The following UBE2E2 variants were observed in gnomAD, a reference collection of about 807,000 sequenced individuals.
UBE2E2 encodes ubiquitin-conjugating enzyme E2 E2.
In UBE2E2, 6 loss-of-function variants were observed where a neutral mutation model predicts 24.7. That is an observed-to-expected ratio of 0.24 (90% CI 0.13 to 0.48). UBE2E2 has a LOEUF of 0.48. Ranked by LOEUF, UBE2E2 falls within the 20% of genes least tolerant of loss-of-function variation. The pLI is 0.99. For synonymous variants in UBE2E2, 104 were observed against 83.6 expected (o/e 1.24, Z -1.33); for missense variants, 169 against 245.0 (o/e 0.69, Z 2.07).
At chr3:23,251,719 TTTTC>T (rs1256235872) in intron 3 of UBE2E2, among the ~76,000 whole-genome samples, 1 of 152,214 alleles carries the variant, frequency 6.6e-6, no homozygotes, top group Non-Finnish European at 1.5e-5. Context: ...CCCATATCCT[TTTTC>T]TTTGTTTTTT....
At chr3:23,585,181 C>T (rs75850169) in intron 5 of UBE2E2, among the ~76,000 whole-genome samples, 2 of 151,794 alleles carry the variant, frequency 1.3e-5, no homozygotes, top group African/African-American at 4.8e-5. Context: ...TTAAGACCAG[C>T]CTGGGCAACA....
chr3:23,400,311 A>T (rs1397971170), intron 3 of UBE2E2, among the ~76,000 whole-genome samples: 1 of 152,184 alleles, frequency 6.6e-6, no homozygotes, highest in Non-Finnish European at 1.5e-5. Context: ...CGGAAAACGG[A>T]TAAAAAGGAA....
chr3:23,217,396 T>C, intron 3 of UBE2E2, 84 bp downstream of exon 3: 1 of 1,212,934 alleles, frequency 8.2e-7, no homozygotes, highest in Non-Finnish European at 1.2e-6. Context: ...GCTGTTGTTG[T>C]AGTCTGATTA....
At chr3:23,415,976 T>C (rs537342980) in intron 3 of UBE2E2, among the ~76,000 whole-genome samples, 10 of 152,200 alleles carry the variant, frequency 6.6e-5, no homozygotes, top group East Asian at 5.8e-4. Context: ...CTCCCACTTA[T>C]GAGTGACAAC....
intron 3 of UBE2E2, among the ~76,000 whole-genome samples, chr3:23,372,814 T>C (rs1297002715): frequency 6.6e-6 from 1 of 152,220 alleles, no homozygotes; most frequent in Non-Finnish European, 1.5e-5. Context: ...ATTATACATT[T>C]TATGTCCATT....
intron 3 of UBE2E2, among the ~76,000 whole-genome samples, chr3:23,358,220 G>T (rs1696017620): frequency 6.6e-6 from 1 of 152,174 alleles, no homozygotes; most frequent in Non-Finnish European, 1.5e-5. Context: ...TTGTTTTTCT[G>T]TCAGGGTTTT....
chr3:23,248,345 C>G (rs1697474328), intron 3 of UBE2E2, among the ~76,000 whole-genome samples: 1 of 152,208 alleles, frequency 6.6e-6, no homozygotes, highest in Non-Finnish European at 1.5e-5. Context: ...TCTGTCATTT[C>G]CCTGAGACTG....
intron 3 of UBE2E2, among the ~76,000 whole-genome samples, chr3:23,259,503 G>A (rs1697837414): frequency 6.6e-6 from 1 of 151,748 alleles, no homozygotes; most frequent in South Asian, 2.1e-4. Context: ...GATTGAGGCA[G>A]GAAGATCACT....
intron 3 of UBE2E2, among the ~76,000 whole-genome samples, chr3:23,319,972 T>C (rs17013003): frequency 0.029 from 4,380 of 151,026 alleles, 110 homozygotes; most frequent in East Asian, 0.13. Context: ...GCATTGGTAG[T>C]TTTTCCCCAG....
At chr3:23,249,123 T>C (rs917841907) in intron 3 of UBE2E2, among the ~76,000 whole-genome samples, 1 of 151,874 alleles carries the variant, frequency 6.6e-6, no homozygotes, top group Non-Finnish European at 1.5e-5. Flanking sequence ...ATACAAAAAT[T>C]AGCTGGGCAT....
chr3:23,214,295 C>T (rs923462166), intron 2 of UBE2E2, among the ~76,000 whole-genome samples: 38 of 152,000 alleles, frequency 2.5e-4, no homozygotes, highest in Admixed American at 6.6e-5. Context: ...CTTACTCTTG[C>T]ACAGGCTGGA....
At chr3:23,419,266 G>T (rs1460489633) in intron 3 of UBE2E2, among the ~76,000 whole-genome samples, 1 of 152,054 alleles carries the variant, frequency 6.6e-6, no homozygotes, top group Non-Finnish European at 1.5e-5. Flanking sequence ...ACCATATCTA[G>T]CCCACAAACA....
chr3:23,321,928 T>C (rs1340199489), intron 3 of UBE2E2, among the ~76,000 whole-genome samples: 2 of 152,004 alleles, frequency 1.3e-5, no homozygotes, highest in Non-Finnish European at 2.9e-5. Flanking sequence ...TCAGGTAATT[T>C]ATGCCGTAAG....
intron 3 of UBE2E2, among the ~76,000 whole-genome samples, chr3:23,262,126 A>G (rs1391143524): frequency 2.0e-5 from 3 of 152,122 alleles, no homozygotes; most frequent in Non-Finnish European, 4.4e-5. Flanking sequence ...ATCCTCACCA[A>G]TACTTTTCTC....
intron 3 of UBE2E2, among the ~76,000 whole-genome samples, chr3:23,371,956 A>G (rs1169973499): frequency 6.6e-6 from 1 of 151,988 alleles, no homozygotes; most frequent in Non-Finnish European, 1.5e-5. Flanking sequence ...TGTCTCTACT[A>G]AAAATATAAA....
At chr3:23,385,863 G>A (rs1696794278) in intron 3 of UBE2E2, among the ~76,000 whole-genome samples, 1 of 152,186 alleles carries the variant, frequency 6.6e-6, no homozygotes, top group Non-Finnish European at 1.5e-5. Flanking sequence ...CCAAAAATAG[G>A]TAACAGCTTA....
At position 23,313,386 on chromosome 3, in the gene UBE2E2, C is replaced by CTTTTTTTTTTTTTTTTTTTTTTT. The variant is rs34208918; in HGVS notation, c.227+96093_227+96094insTTTTTTTTTTTTTTTTTTTTTTT. On this transcript the variant is annotated intron_variant, in intron 3 of 5. Transcript: ENST00000396703. Reference sequence around the variant, plus strand: ...TCTTGTAGGCAATGGATCATTGGGTCTTTTTTTTTTTTTTTTTTTGAGGGC... The same window carrying CTTTTTTTTTTTTTTTTTTTTTTT: ...TCTTGTAGGCAATGGATCATTGGGTCTTTTTTTTTTTTTTTTTTTTTTTTTTTTTTTTTTTTTTTTTTGAGGGC... 1.1e-4 allele frequency among the ~76,000 whole-genome samples: 12 copies of CTTTTTTTTTTTTTTTTTTTTTTT among 111,872 alleles called. 6 individuals are homozygous for CTTTTTTTTTTTTTTTTTTTTTTT. The highest frequency in any genetic ancestry group is 1.0e-4 in the Non-Finnish European group (6 of 58,542). The allele number at this position is 111,872 out of a possible 152,430, so 73.4% of individuals were successfully genotyped here. A position where few individuals can be genotyped will look rare whatever the true frequency, so the allele number is the denominator to read the frequency against.
chr3:23,294,923 C>T (rs1273771186), intron 3 of UBE2E2, among the ~76,000 whole-genome samples: 2 of 151,990 alleles, frequency 1.3e-5, no homozygotes, highest in Admixed American at 6.6e-5. Context: ...TAAAGCCAAT[C>T]ATTCTGCCTA....
chr3:23,272,400 C>G (rs562697280), intron 3 of UBE2E2, among the ~76,000 whole-genome samples: 80 of 149,606 alleles, frequency 5.3e-4, no homozygotes, highest in Non-Finnish European at 9.2e-4. Flanking sequence ...CACACCTCCC[C>G]GCAAGCAGAG....
Sources: gnomAD v4.1 joint callset for allele counts (sites outside exome capture counted in the v4.1 genomes callset) on GRCh38, gnomAD v4.1.1 for gene constraint, MANE v1.5 for transcripts, NCBI Gene and HGNC (gene_info 2026-07-23, HGNC 2026-07-21) for gene names.